The following TDRD10 variants were observed in gnomAD, a reference collection of about 807,000 sequenced individuals.
TDRD10 encodes tudor domain containing 10, also known as tudor domain-containing protein 10.
A neutral mutation model predicts 48.0 loss-of-function variants in TDRD10; 40 were observed. The observed-to-expected ratio is 0.83, with a 90% CI of 0.65 to 1.09. The LOEUF (loss-of-function observed/expected upper bound fraction) is 1.09. Among genes scored for constraint, TDRD10 ranks in the 50% least tolerant of loss-of-function variants. The probability of loss-of-function intolerance (pLI) is 0.00; values close to 1 mark genes in which losing one functional copy is unlikely to be tolerated. For missense variants in TDRD10, 378 were observed against 434.7 expected (o/e 0.87, Z 1.16); for synonymous variants, 162 against 170.4 (o/e 0.95, Z 0.38).
chr1:154,526,706 G>T (rs1442960317), intron 6 of TDRD10, among the ~76,000 whole-genome samples: 1 of 151,970 alleles, frequency 6.6e-6, no homozygotes, highest in Non-Finnish European at 1.5e-5. Context: ...GCCCTTCTTG[G>T]TCTCCCAAAG....
chr1:154,511,369 C>A (rs1030922559), intron 4 of TDRD10, among the ~76,000 whole-genome samples: 2 of 152,048 alleles, frequency 1.3e-5, no homozygotes, highest in African/African-American at 4.8e-5. Flanking sequence ...CGTGGTGGCT[C>A]ATGCCTGTAA....
At chr1:154,538,050 G>T (rs1156435316) in intron 6 of TDRD10, among the ~76,000 whole-genome samples, 1 of 152,196 alleles carries the variant, frequency 6.6e-6, no homozygotes, top group African/African-American at 2.4e-5. Context: ...TGATGTGCCT[G>T]CTGTGGCTGT....
At chr1:154,531,864 A>G (rs1166752865) in intron 6 of TDRD10, among the ~76,000 whole-genome samples, 1 of 152,172 alleles carries the variant, frequency 6.6e-6, no homozygotes, top group African/African-American at 2.4e-5. Context: ...TAGACACACA[A>G]GTTCTCCACC....
At chr1:154,533,221 T>C (rs1694741220) in intron 6 of TDRD10, among the ~76,000 whole-genome samples, 1 of 152,178 alleles carries the variant, frequency 6.6e-6, no homozygotes, top group African/African-American at 2.4e-5. Flanking sequence ...CTGTCTTTGT[T>C]GGCATGCGTG....
At chr1:154,542,330 C>T (rs1570983062) in intron 7 of TDRD10, among the ~76,000 whole-genome samples, 1 of 152,308 alleles carries the variant, frequency 6.6e-6, no homozygotes, top group African/African-American at 2.4e-5. Flanking sequence ...TGGGCTCAAG[C>T]CATCCTCCCT....
chr1:154,520,675 G>T (rs941890532), intron 5 of TDRD10, among the ~76,000 whole-genome samples: 2 of 152,194 alleles, frequency 1.3e-5, no homozygotes, highest in Admixed American at 1.3e-4. Context: ...AGCCTTAGTT[G>T]TTCCTGAAAA....
intron 4 of TDRD10, among the ~76,000 whole-genome samples, chr1:154,513,513 A>G (rs1177084864): frequency 2.0e-5 from 3 of 152,220 alleles, no homozygotes; most frequent in Admixed American, 2.0e-4. Flanking sequence ...GAGCTTGCTT[A>G]ATTCATTAGG....
chr1:154,506,379 T>C (rs78348092), intron 1 of TDRD10, among the ~76,000 whole-genome samples: 1 of 76,258 alleles, frequency 1.3e-5, no homozygotes, highest in Admixed American at 1.9e-4. Context: ...CACGTCTCTC[T>C]CTTTTTTTTT....
intron 6 of TDRD10, among the ~76,000 whole-genome samples, chr1:154,521,903 T>C (rs1266957697): frequency 2.0e-5 from 3 of 152,048 alleles, no homozygotes; most frequent in Non-Finnish European, 4.4e-5. Flanking sequence ...TTGCCAAATA[T>C]GAGGTATGGG....
chr1:154,541,848 A>C, intron 6 of TDRD10, 176 bp from the exon 7 acceptor site: 1 of 574,792 alleles, frequency 1.7e-6, no homozygotes, highest in African/African-American at 1.9e-5. Flanking sequence ...GGGTTGGCTC[A>C]GGATGCCGTG....
intron 6 of TDRD10, among the ~76,000 whole-genome samples, chr1:154,537,324 G>A (rs1375006476): frequency 1.3e-5 from 2 of 152,228 alleles, no homozygotes; most frequent in African/African-American, 4.8e-5. Flanking sequence ...TGAGCTTTGT[G>A]GTGGCGTTTT....
chr1:154,547,078 G>A (rs1695637931), intron 11 of TDRD10, among the ~76,000 whole-genome samples: 3 of 152,152 alleles, frequency 2.0e-5, no homozygotes, highest in African/African-American at 7.2e-5. Flanking sequence ...CTATCCAGCC[G>A]GAACTCTCAG....
intron 1 of TDRD10, among the ~76,000 whole-genome samples, chr1:154,503,964 G>C (rs1281191061): frequency 6.6e-6 from 1 of 152,056 alleles, no homozygotes; most frequent in South Asian, 2.1e-4. Context: ...TACAACCATC[G>C]CAACAATCTA....
intron 1 of TDRD10, among the ~76,000 whole-genome samples, chr1:154,504,778 A>T (rs1423427203): frequency 6.6e-6 from 1 of 152,114 alleles, no homozygotes; most frequent in Non-Finnish European, 1.5e-5. Context: ...AGGTCTTTTT[A>T]AAAACACAGA....
intron 11 of TDRD10, among the ~76,000 whole-genome samples, chr1:154,546,020 A>G (rs60092776): frequency 0.22 from 26,719 of 121,394 alleles, 2,678 homozygotes; most frequent in Middle Eastern, 0.3. Context: ...TGATCCGCCC[A>G]CCTCGGCCTC....
intron 5 of TDRD10, 145 bp from the exon 6 acceptor site, chr1:154,521,178 T>A: frequency 2.5e-6 from 2 of 785,464 alleles, no homozygotes; most frequent in Non-Finnish European, 4.2e-6. Context: ...CTGGACATAC[T>A]TGTAGCTTGC....
At chr1:154,546,191 G>A (rs549469844) in intron 11 of TDRD10, among the ~76,000 whole-genome samples, 56 of 150,046 alleles carry the variant, frequency 3.7e-4, no homozygotes, top group East Asian at 9.8e-4. Context: ...CTCCTGCCTC[G>A]GCCTCCTGGG....
At chr1:154,514,189 CAAAAA>C (rs923150313) in intron 4 of TDRD10, among the ~76,000 whole-genome samples, 1 of 151,970 alleles carries the variant, frequency 6.6e-6, no homozygotes, top group Non-Finnish European at 1.5e-5. Flanking sequence ...GACTCTGTCT[CAAAAA>C]TAAAATAAAA....
At chr1:154,543,305 A>G (rs1041033098) in intron 8 of TDRD10, among the ~76,000 whole-genome samples, 9 of 152,116 alleles carry the variant, frequency 5.9e-5, no homozygotes, top group Non-Finnish European at 1.3e-4. Context: ...ACAAAATGAT[A>G]AAATCAGCTT....
Sources: allele counts gnomAD v4.1 joint callset (sites outside exome capture counted in the v4.1 genomes callset), GRCh38; gene constraint gnomAD v4.1.1; transcripts MANE v1.5; gene names NCBI Gene and HGNC (gene_info 2026-07-23, HGNC 2026-07-21).